KMT2D: variants seen among roughly 807,000 people sequenced by gnomAD.
KMT2D encodes the protein histone-lysine N-methyltransferase 2D.
KMT2D carries 55 observed loss-of-function variants against 512.7 expected under a neutral mutation model. That is an observed-to-expected ratio of 0.11 (90% CI 0.09 to 0.13). The LOEUF is 0.13. Among genes scored for constraint, KMT2D ranks in the 10% least tolerant of loss-of-function variants. KMT2D has a pLI of 1.00. For missense variants in KMT2D, 6,061 were observed against 7,127.9 expected (o/e 0.85, Z 5.39); for synonymous variants, 2,995 against 2,904.0 (o/e 1.03, Z -1.01).
In KMT2D at chr12:49,030,446, G is replaced by T; in HGVS notation, c.13840-7C>A. The T allele has an allele frequency of 4.9e-6, 3 of 607,472 alleles. No homozygotes were observed. Among genetic ancestry groups the T allele is most frequent in the Non-Finnish European group, 7.6e-6 (3 of 395,642 alleles). 37.6% of individuals were successfully genotyped at this position (607,472 alleles called of 1,614,324 possible). A position where few individuals can be genotyped will look rare whatever the true frequency, so the allele number is the denominator to read the frequency against. Reference sequence around the variant, plus strand: ...GCGGGTTACTCAGGTTATTCTGAGGGGTGGGGGGTGGGGTGTTGTGTGCAA... The same window carrying T: ...GCGGGTTACTCAGGTTATTCTGAGGTGTGGGGGGTGGGGTGTTGTGTGCAA... On this transcript the variant is annotated splice_region_variant and splice_polypyrimidine_tract_variant and intron_variant, in intron 42 of 54. Coordinates refer to ENST00000301067, the MANE Select transcript of KMT2D (RefSeq NM_003482.4).
chr12:49,039,604 C>T lies in KMT2D; in HGVS notation c.8060G>A (p.Arg2687Gln), dbSNP rs2120513456. 1 of 1,609,352 alleles carries T rather than the reference C, an allele frequency of 6.2e-7. No individual in the cohort carries two copies. ...LEKQRQRQRL[R>Q]ELLIRQQIQR... ...GATCTGCTGCCGAATCAGCAGCTCTCGTAGTCGCTGGCGCTATGCAAAAAA... is the reference window on the plus strand; with the variant it reads ...GATCTGCTGCCGAATCAGCAGCTCTTGTAGTCGCTGGCGCTATGCAAAAAA... The change falls in exon 33 of 55, where the codon CGA (arginine) becomes CAA (glutamine). Residue 2687 changes from arginine to glutamine, a missense_variant. Around this residue, in one of 16 missense-constraint regions of KMT2D, gnomAD observed 527 missense variants for 578.9 expected, o/e 0.91. Transcript: ENST00000301067. The surrounding 1 kb of genome is among the most constrained non-coding windows in gnomAD (Gnocchi z 5.0).
At chr12:49,059,500 C>T (rs1398540041) in intron 1 of KMT2D, 113 bp downstream of exon 1, 5 of 152,720 alleles carry the variant, frequency 3.3e-5, no homozygotes, top group African/African-American at 1.2e-4. Context: ...GAACGCTCCC[C>T]AGCTCTGGCA....
At chr12:49,031,122 C>G (rs756358382) in intron 40 of KMT2D, 53 bp downstream of exon 40, 3 of 1,609,734 alleles carry the variant, frequency 1.9e-6, no homozygotes, top group Non-Finnish European at 2.5e-6. Context: ...CATTCTGCCC[C>G]CCGCTGGCTC....
At chr12:49,048,105 G>T in intron 14 of KMT2D, 36 bp from the exon 15 acceptor site, 1 of 1,396,998 alleles carries the variant, frequency 7.2e-7, no homozygotes, top group Non-Finnish European at 1.0e-6. Context: ...TGTCCAACTA[G>T]ATCTCCCCAT....
At position 49,033,648 on chromosome 12, in the gene KMT2D, G is replaced by T; in HGVS notation, c.11057C>A (p.Ser3686Tyr). Residue 3686 changes from serine to tyrosine, a missense_variant, in exon 40 of 55, where the codon TCT becomes TAT. Transcript: ENST00000301067. Reference protein sequence around the residue: ...ALAQQQQQQHSGGAGSLAGPS... With the variant: ...ALAQQQQQQHYGGAGSLAGPS... ...GCCAGCCAGGGATCCAGCCCCACCA[G>T]AATGTTGCTGTTGCTGCTGTTGGGC... 1 of 1,613,770 alleles carries T rather than the reference G, an allele frequency of 6.2e-7. No homozygotes were observed. The highest frequency in any genetic ancestry group is 8.5e-7 in the Non-Finnish European group (1 of 1,179,890).
rs1343715229 is a variant in KMT2D at position 49,019,220 on chromosome 12, TAA to T, written c.*2558_*2559del. 2 of 980,926 alleles carry T rather than the reference TAA, an allele frequency of 2.0e-6. No individual in the cohort carries two copies. Among genetic ancestry groups the T allele is most frequent in the African/African-American group, 3.4e-5 (2 of 58,982 alleles). The allele number at this position is 980,926 out of a possible 1,614,324, so 60.8% of individuals were successfully genotyped here. A position where few individuals can be genotyped will look rare whatever the true frequency, so the allele number is the denominator to read the frequency against. On this transcript the variant is annotated 3_prime_UTR_variant, in exon 55 of 55. Transcript: ENST00000301067. ...TGTACAGGATACACACAACACAAAATAAAGTCTTCACGGGATTCACACTTGTC... is the reference window on the plus strand; with the variant it reads ...TGTACAGGATACACACAACACAAAATAGTCTTCACGGGATTCACACTTGTC...
intron 1 of KMT2D, among the ~76,000 whole-genome samples, chr12:49,056,858 A>G (rs764438730): frequency 3.3e-5 from 5 of 152,142 alleles, no homozygotes; most frequent in Admixed American, 6.5e-5. Flanking sequence ...GAACTACAAT[A>G]TCACTCTTCC....
rs1943716076 is a variant in KMT2D, at chr12:49,044,888, G to T, written c.4819C>A (p.Pro1607Thr). 1 of 1,613,956 alleles carries T rather than the reference G, an allele frequency of 6.2e-7. No homozygotes were observed. Among genetic ancestry groups the T allele is most frequent in the Non-Finnish European group, 8.5e-7 (1 of 1,179,908 alleles). Residue 1607 changes from proline to threonine, a missense_variant, in exon 20 of 55, where the codon CCA becomes ACA. Physicochemically the swap from Pro to Thr is conservative, Grantham distance 38. This residue lies in a region of KMT2D where 640 missense variants were observed against 814.3 expected (regional missense o/e 0.79). Transcript: ENST00000301067. The surrounding 1 kb of genome is among the most constrained non-coding windows in gnomAD (Gnocchi z 6.4). ...CGCCGTTGGCGCCGCTTGTGCAGTG[G>T]TGACATGGTCAGGTTACGCAGCAAG... ...MALLRNLTMS[P>T]LHKRRQRRGR...
chr12:49,024,947 C>A lies in KMT2D; in HGVS notation c.15785-1G>T, dbSNP rs2137712168. Reference sequence around the variant, plus strand: ...GGCTCAATGATGCGATTCCACACGGCTAAGAAGCAGGGAAGAGAGCAGTCC... The same window carrying A: ...GGCTCAATGATGCGATTCCACACGGATAAGAAGCAGGGAAGAGAGCAGTCC... On this transcript the variant is annotated splice_acceptor_variant, in intron 49 of 54. Transcript: ENST00000301067. LOFTEE classifies it high-confidence loss of function. This position sits in a 1 kb window ranked among gnomAD's most constrained non-coding sequence, Gnocchi z 4.5. The A allele has an allele frequency of 6.3e-7, 1 of 1,589,250 alleles. No homozygotes were observed.
chr12:49,034,615 A>G lies in KMT2D; in HGVS notation c.10407T>C (p.Asp3469=). 1 of 1,613,704 alleles carries G rather than the reference A, an allele frequency of 6.2e-7. No individual in the cohort carries two copies. Among genetic ancestry groups the G allele is most frequent in the Non-Finnish European group, 8.5e-7 (1 of 1,179,804 alleles). ...AQRLSGGPSS[D]LQNHVAAGSG... The stretch of plus-strand genomic sequence containing the variant: ...TCCCAGCTGCCACATGGTTCTGCAG[A>G]TCACTGCTAGGTCCCCCCGAGAGCC... The change falls in exon 37 of 55, where the codon GAT becomes GAC. Residue 3469 remains aspartate (D), a synonymous_variant. Coordinates refer to ENST00000301067, the MANE Select transcript of KMT2D (RefSeq NM_003482.4).
intron 35 of KMT2D, among the ~76,000 whole-genome samples, chr12:49,036,614 G>A (rs897851836): frequency 1.3e-5 from 2 of 149,000 alleles, no homozygotes; most frequent in Admixed American, 6.8e-5. Flanking sequence ...TCAGCCTCCC[G>A]AGTAGCTGGG....
At chr12:49,049,639 T>C (rs1392450361) in intron 12 of KMT2D, 43 bp downstream of exon 12, 13 of 1,521,530 alleles carry the variant, frequency 8.5e-6, no homozygotes, top group Non-Finnish European at 1.1e-5. Context: ...CCTCTGACAG[T>C]GGGCTAACTC....
intron 43 of KMT2D, 115 bp from the exon 44 acceptor site, chr12:49,029,591 T>C: frequency 1.4e-6 from 1 of 718,176 alleles, no homozygotes. Context: ...TGATTAGCTG[T>C]CCTCCCACCT....
chr12:49,048,496 G>T (rs1416925389), intron 14 of KMT2D, among the ~76,000 whole-genome samples, 163 bp downstream of exon 14: 1 of 152,234 alleles, frequency 6.6e-6, no homozygotes, highest in African/African-American at 2.4e-5. Flanking sequence ...ATACTCAAGA[G>T]AAATGTGATG....
At position 49,040,324 on chromosome 12, in the gene KMT2D, C is replaced by A. The variant is rs1301638009; in HGVS notation, c.7446G>T (p.Gly2482=). The part of the protein sequence containing the change: ...PQPPEVAFKA[G]SLAHTSLGAG... The stretch of plus-strand genomic sequence containing the variant: ...CCCCCAGCGAAGTGTGGGCTAGAGA[C>A]CCAGCCTTAAAGGCAACTTCAGGGG... Residue 2482 remains glycine (G), a synonymous_variant, in exon 32 of 55, where the codon GGG becomes GGT. Transcript: ENST00000301067. 5.1e-6 allele frequency: 8 copies of A among 1,576,186 alleles called. No homozygotes were observed. Among genetic ancestry groups the A allele is most frequent in the Non-Finnish European group, 6.9e-6 (8 of 1,161,000 alleles).
rs12099780 is a variant in KMT2D at position 49,021,935 on chromosome 12, G to A, written c.16522-63C>T. ...CACAGGAAGAGGGGAGGCCAGAGAAGATATGATCTGAGGTGCCCAGCCTAG... is the reference window on the plus strand; with the variant it reads ...CACAGGAAGAGGGGAGGCCAGAGAAAATATGATCTGAGGTGCCCAGCCTAG... On this transcript the variant is annotated intron_variant, in intron 54 of 54. Coordinates refer to ENST00000301067, the MANE Select transcript of KMT2D (RefSeq NM_003482.4). 2,243 of 1,564,300 alleles carry A rather than the reference G, an allele frequency of 1.4e-3. 32 individuals carry two copies. The African/African-American group carries it at 0.025, about 17-fold the overall frequency.
intron 14 of KMT2D, 73 bp from the exon 15 acceptor site, chr12:49,048,142 G>A (rs1937669288): frequency 1.5e-5 from 15 of 1,001,476 alleles, no homozygotes; most frequent in Middle Eastern, 2.1e-4. Flanking sequence ...CTACTATGAC[G>A]CTACAACACT....
At chr12:49,029,349 C>T in intron 44 of KMT2D, 52 bp downstream of exon 44, 1 of 1,559,964 alleles carries the variant, frequency 6.4e-7, no homozygotes, top group Middle Eastern at 1.7e-4. Context: ...AAATATGAGG[C>T]AACCTGTACC....
chr12:49,049,773 A>G lies in KMT2D; in HGVS notation c.3815T>C (p.Leu1272Ser). The change falls in exon 12 of 55, where the codon TTG becomes TCG. Residue 1272 changes from leucine to serine, a missense_variant. Physicochemically the swap from Leu to Ser is moderately radical, Grantham distance 145. This residue lies in a region of KMT2D where 447 missense variants were observed against 500.1 expected (regional missense o/e 0.89). Transcript: ENST00000301067. ...DSLPETDDSLLCDAGTAISGG... is the reference protein window; with the variant it reads ...DSLPETDDSLSCDAGTAISGG... ...GCTGATAGCTGTCCCAGCATCGCAC[A>G]ATAGTGAGTCATCAGTCTCTGGCAG... The G allele has an allele frequency of 6.2e-7, 1 of 1,613,618 alleles. No individual in the cohort carries two copies. The highest frequency in any genetic ancestry group is 8.5e-7 in the Non-Finnish European group (1 of 1,179,584).
Sources: gnomAD v4.1 joint callset for allele counts (sites outside exome capture counted in the v4.1 genomes callset) on GRCh38, gnomAD v4.1.1 for gene constraint, gnomAD v4.1.1 regional missense constraint, Gnocchi (gnomAD v3.1) non-coding constraint, MANE v1.5 for transcripts, NCBI Gene and HGNC (gene_info 2026-07-23, HGNC 2026-07-21) for gene names.